YEATS2: variants seen among roughly 807,000 people sequenced by gnomAD.
YEATS2 encodes YEATS domain-containing protein 2.
YEATS2 carries 77 observed loss-of-function variants against 163.2 expected under a neutral mutation model. The observed-to-expected ratio is 0.47, with a 90% CI of 0.39 to 0.57. YEATS2 has a LOEUF of 0.57. YEATS2 is among the 20% of genes least tolerant of loss of function. The pLI is 0.00. For synonymous variants in YEATS2, 631 were observed against 645.1 expected (o/e 0.98, Z 0.33); for missense variants, 1,549 against 1,729.8 (o/e 0.90, Z 1.85).
chr3:183,755,133 G>A (rs1414512862), intron 11 of YEATS2, among the ~76,000 whole-genome samples: 1 of 149,698 alleles, frequency 6.7e-6, no homozygotes, highest in Admixed American at 6.6e-5. Context: ...TTTTTTTTTT[G>A]AGATGGAGTT....
At position 183,773,738 on chromosome 3, in the gene YEATS2, A is replaced by G; in HGVS notation, c.2312A>G (p.Lys771Arg). ...ACAAACAGCAAGAACCCTTCAGGAA[A>G]AGGAAAACTGCTGCTGATCCCTCAA... is the stretch of plus-strand genomic sequence containing the variant. Reference protein sequence around the residue: ...LTTNSKNPSGKGKLLLIPQGA... With the variant: ...LTTNSKNPSGRGKLLLIPQGA... The change falls in exon 17 of 31, where the codon AAA (lysine) becomes AGA (arginine). Residue 771 changes from lysine (K) to arginine (R), a missense_variant. Physicochemically the swap from Lys to Arg is conservative, Grantham distance 26 (BLOSUM62 2). Transcript: ENST00000305135. The G allele has an allele frequency of 6.2e-7, 1 of 1,613,518 alleles. No individual in the cohort carries two copies.
At chr3:183,709,237 G>T (rs1577032140) in intron 1 of YEATS2, among the ~76,000 whole-genome samples, 2 of 152,110 alleles carry the variant, frequency 1.3e-5, no homozygotes, top group East Asian at 3.9e-4. Flanking sequence ...TATTTGAATG[G>T]ATATGGTATG....
chr3:183,806,603 G>A (rs1726231365), intron 27 of YEATS2: 3 of 490,602 alleles, frequency 6.1e-6, no homozygotes, highest in Non-Finnish European at 1.1e-5. Context: ...CTGGTTTTTG[G>A]TGGCAGAAGT....
At chr3:183,809,426 A>G (rs1194302336) in intron 30 of YEATS2, 1 of 354,266 alleles carries the variant, frequency 2.8e-6, no homozygotes, top group Non-Finnish European at 5.1e-6. Context: ...ACTCTGTTTT[A>G]TTACAGGGTT....
At chr3:183,778,313 G>A (rs147889212) in intron 19 of YEATS2, among the ~76,000 whole-genome samples, 255 of 152,212 alleles carry the variant, frequency 1.7e-3, no homozygotes, top group African/African-American at 6.0e-3. Context: ...GACAAAATGA[G>A]AAGCATGGTC....
At chr3:183,732,652 C>T (rs893382640) in intron 7 of YEATS2, among the ~76,000 whole-genome samples, 8 of 151,528 alleles carry the variant, frequency 5.3e-5, no homozygotes, top group African/African-American at 1.7e-4. Context: ...CTCCGCCTCC[C>T]GGGTTCACGC....
At chr3:183,700,807 G>T (rs1397537381) in intron 1 of YEATS2, among the ~76,000 whole-genome samples, 1 of 143,684 alleles carries the variant, frequency 7.0e-6, no homozygotes, top group Admixed American at 7.0e-5. Flanking sequence ...GATACAAAAA[G>T]CCACGTGCTG....
rs1343071267 is a variant in YEATS2, at chr3:183,785,326, A to G, written c.2737-799A>G. 2.6e-5 allele frequency among the ~76,000 whole-genome samples: 4 copies of G among 151,546 alleles called. No individual in the cohort carries two copies. The East Asian group carries it at 7.8e-4, about 30-fold the overall frequency. On this transcript the variant is annotated intron_variant, in intron 19 of 30. Coordinates refer to ENST00000305135, the MANE Select transcript of YEATS2 (RefSeq NM_018023.5). Reference sequence around the variant, plus strand: ...AACATGGTGAAACCCCATCTCTACTAAAAATACAAAAATTAGTTGGGCGTG... The same window carrying G: ...AACATGGTGAAACCCCATCTCTACTGAAAATACAAAAATTAGTTGGGCGTG...
intron 17 of YEATS2, 62 bp downstream of exon 17, chr3:183,773,856 C>A (rs1442559018): frequency 1.3e-6 from 2 of 1,518,768 alleles, no homozygotes; most frequent in Non-Finnish European, 1.8e-6. Context: ...TTCATCTTGT[C>A]CATCTGAGGG....
chr3:183,735,780 G>A (rs550827292), intron 7 of YEATS2, among the ~76,000 whole-genome samples: 106 of 151,868 alleles, frequency 7.0e-4, no homozygotes, highest in Middle Eastern at 3.4e-3. Context: ...TCCGCCCCCC[G>A]GGTTCAAGCG....
chr3:183,698,556 C>G (rs1013456380), intron 1 of YEATS2, among the ~76,000 whole-genome samples: 2 of 152,118 alleles, frequency 1.3e-5, no homozygotes, highest in Non-Finnish European at 2.9e-5. Context: ...AGGGCTGTGG[C>G]CAGACTGCAG....
At chr3:183,791,534 C>T (rs775462750) in intron 21 of YEATS2, among the ~76,000 whole-genome samples, 3 of 152,178 alleles carry the variant, frequency 2.0e-5, no homozygotes, top group East Asian at 1.9e-4. Flanking sequence ...CCCTTAGCCA[C>T]GCAGAACCCT....
At chr3:183,732,315 C>T (rs930454829) in intron 7 of YEATS2, among the ~76,000 whole-genome samples, 2 of 151,402 alleles carry the variant, frequency 1.3e-5, no homozygotes, top group South Asian at 2.1e-4. Flanking sequence ...TAGCCATGCC[C>T]GGTGGCGTGT....
At chr3:183,732,415 TGCACTCCAGCCTAGGTGACAGA>T (rs1717887912) in intron 7 of YEATS2, among the ~76,000 whole-genome samples, 1 of 151,294 alleles carries the variant, frequency 6.6e-6, no homozygotes, top group Non-Finnish European at 1.5e-5. Flanking sequence ...ATCATGCCAC[TGCACTCCAGCCTAGGTGACAGA>T]GCAAGACTCT....
rs907056068 is a variant in YEATS2 at position 183,775,955 on chromosome 3, C to T, written c.2409C>T (p.Ala803=). ...CAGCTGCCAGTGGTGGGAGTGGTGC[C>T]GGAGGAGGAGGAGGAGGAGGAGGAG... The part of the protein sequence containing the change: ...SGSAASGGSG[A]GGGGGGGGGG... Residue 803 remains alanine (A), a synonymous_variant, in exon 18 of 31, where the codon GCC becomes GCT. Coordinates refer to ENST00000305135, the MANE Select transcript of YEATS2 (RefSeq NM_018023.5). The T allele has an allele frequency of 6.5e-5, 103 of 1,582,072 alleles. 1 individual carries two copies. In the South Asian group the frequency reaches 7.1e-4, roughly 11 times the overall value.
At position 183,722,479 on chromosome 3, in the gene YEATS2, C is replaced by T. The variant is rs542147669; in HGVS notation, c.537+343C>T. Reference sequence around the variant, plus strand: ...AATTTTTTTATATTTTTAGTAGAGACGGGATTTCACCGTGTTAGCCAGGAT... The same window carrying T: ...AATTTTTTTATATTTTTAGTAGAGATGGGATTTCACCGTGTTAGCCAGGAT... On this transcript the variant is annotated intron_variant, in intron 5 of 30. Transcript: ENST00000305135. Among the ~76,000 whole-genome samples, 451 of 151,836 alleles carry T rather than the reference C, an allele frequency of 3.0e-3. 1 individual carries two copies. Among genetic ancestry groups the T allele is most frequent in the Non-Finnish European group, 3.6e-3 (247 of 67,910 alleles).
At chr3:183,726,511 TA>T (rs1717114574) in intron 6 of YEATS2, among the ~76,000 whole-genome samples, 1 of 152,124 alleles carries the variant, frequency 6.6e-6, no homozygotes, top group African/African-American at 2.4e-5. Context: ...ATAAATCCTC[TA>T]AAAACATAAA....
Position 183,801,516 on chromosome 3 carries a change from A to G in YEATS2, c.3490A>G (p.Ile1164Val). The G allele has an allele frequency of 6.2e-7, 1 of 1,609,840 alleles. No homozygotes were observed. Among genetic ancestry groups the G allele is most frequent in the East Asian group, 2.2e-5 (1 of 44,764 alleles). ...TGCAGTAGTAAAGAAGATTCCATTA[A>G]TCACTGCAAAAAGTAAGACAATTAC... The part of the protein sequence containing the change: ...LTAVVKKIPL[I>V]TAKSEDASCF... Residue 1164 changes from isoleucine (I) to valine (V), a missense_variant, in exon 25 of 31, where the codon ATC becomes GTC. Coordinates refer to ENST00000305135, the MANE Select transcript of YEATS2 (RefSeq NM_018023.5).
intron 4 of YEATS2, among the ~76,000 whole-genome samples, chr3:183,719,468 T>C (rs1460987897): frequency 6.6e-6 from 1 of 152,192 alleles, no homozygotes; most frequent in African/African-American, 2.4e-5. Context: ...TTCCTCCTAA[T>C]TGTTAGCATT....
Sources: gnomAD v4.1 joint callset for allele counts (sites outside exome capture counted in the v4.1 genomes callset) on GRCh38, gnomAD v4.1.1 for gene constraint, MANE v1.5 for transcripts, NCBI Gene and HGNC (gene_info 2026-07-23, HGNC 2026-07-21) for gene names.